MARCHF8: variants seen among roughly 807,000 people sequenced by gnomAD.
MARCHF8 encodes the protein membrane associated ring-CH-type finger 8, also known as E3 ubiquitin-protein ligase MARCHF8.
A neutral mutation model predicts 51.6 loss-of-function variants in MARCHF8; 40 were observed. The observed-to-expected ratio is 0.77, with a 90% CI of 0.60 to 1.01. The LOEUF (loss-of-function observed/expected upper bound fraction) is 1.01, where lower values mean the gene tolerates loss of function less well. MARCHF8 is among the 50% of genes least tolerant of loss of function. MARCHF8 has a pLI of 0.00. For synonymous variants in MARCHF8, 263 were observed against 280.3 expected, an observed-to-expected ratio of 0.94 and a Z score of 0.62; for missense variants, 685 against 708.6, an observed-to-expected ratio of 0.97 and a Z score of 0.38.
intron 2 of MARCHF8, among the ~76,000 whole-genome samples, chr10:45,526,769 T>C (rs948578298): frequency 1.3e-5 from 2 of 150,156 alleles, no homozygotes; most frequent in East Asian, 2.0e-4. Flanking sequence ...GTAGAACAAA[T>C]AGACCTAACA....
At chr10:45,586,167 T>C (rs1370360085) in intron 1 of MARCHF8, among the ~76,000 whole-genome samples, 1 of 152,144 alleles carries the variant, frequency 6.6e-6, no homozygotes, top group Non-Finnish European at 1.5e-5. Flanking sequence ...CCAATCAAAA[T>C]ACAGAGTAAT....
chr10:45,477,489 C>G (rs760429469), intron 3 of MARCHF8, among the ~76,000 whole-genome samples: 1 of 151,946 alleles, frequency 6.6e-6, no homozygotes, highest in Non-Finnish European at 1.5e-5. Context: ...CAATTATAAA[C>G]AATAAGAAAG....
chr10:45,579,274 G>A (rs111538089), intron 1 of MARCHF8, among the ~76,000 whole-genome samples: 3,761 of 151,798 alleles, frequency 0.025, 157 homozygotes, highest in African/African-American at 0.085. Flanking sequence ...GTGAATCTTA[G>A]TAAATTATAT....
chr10:45,588,802 T>G (rs1365150948), intron 1 of MARCHF8, among the ~76,000 whole-genome samples: 1 of 151,850 alleles, frequency 6.6e-6, no homozygotes, highest in Non-Finnish European at 1.5e-5. Context: ...ATCGAGACCA[T>G]CCTGGCTAAC....
At chr10:45,509,624 T>C (rs2043456489) in intron 2 of MARCHF8, among the ~76,000 whole-genome samples, 1 of 152,196 alleles carries the variant, frequency 6.6e-6, no homozygotes, top group Non-Finnish European at 1.5e-5. Context: ...CTTTTAAGTG[T>C]TCTGGAACTA....
At chr10:45,511,583 CT>C (rs1214162359) in intron 2 of MARCHF8, among the ~76,000 whole-genome samples, 4 of 152,198 alleles carry the variant, frequency 2.6e-5, no homozygotes. Flanking sequence ...GGTTTTCTTA[CT>C]TTTTTGGTGG....
intron 3 of MARCHF8, among the ~76,000 whole-genome samples, chr10:45,483,404 A>T (rs2042924263): frequency 6.6e-6 from 1 of 152,220 alleles, no homozygotes; most frequent in Non-Finnish European, 1.5e-5. Context: ...ATCCCTAATC[A>T]TCAGGGAATA....
At chr10:45,543,470 G>T (rs1311760657) in intron 1 of MARCHF8, among the ~76,000 whole-genome samples, 1 of 152,086 alleles carries the variant, frequency 6.6e-6, no homozygotes, top group Non-Finnish European at 1.5e-5. Context: ...CCACCGACTG[G>T]GGGAAAAATA....
At position 45,463,251 on chromosome 10, in the gene MARCHF8, G is replaced by A. The variant is rs1023484042; in HGVS notation, c.988C>T (p.Leu330Phe). 6.4e-7 allele frequency: 1 copy of A among 1,550,868 alleles called. No homozygotes were observed. Among genetic ancestry groups the A allele is most frequent in the Admixed American group, 2.0e-5 (1 of 51,006 alleles). ...TCGCTGTCCTTTTCCGTGGAGCAGAGGGGCGCCCGCAGAACCCTACTCTTC... is the reference window on the plus strand; with the variant it reads ...TCGCTGTCCTTTTCCGTGGAGCAGAAGGGCGCCCGCAGAACCCTACTCTTC... ...KLKSRVLRAP[L>F]CSTEKDSDLD... The change falls in exon 5 of 8, where the codon CTC (leucine) becomes TTC (phenylalanine). Residue 330 changes from leucine to phenylalanine, a missense_variant. Transcript: ENST00000453424.
chr10:45,464,712 C>T (rs1260160514), intron 3 of MARCHF8, among the ~76,000 whole-genome samples: 1 of 152,192 alleles, frequency 6.6e-6, no homozygotes, highest in Non-Finnish European at 1.5e-5. Flanking sequence ...TTCCCTAGCA[C>T]TCTCTCCTAG....
At chr10:45,576,966 A>G (rs2133409268) in intron 1 of MARCHF8, among the ~76,000 whole-genome samples, 1 of 115,254 alleles carries the variant, frequency 8.7e-6, no homozygotes, top group East Asian at 2.2e-4. Context: ...CTAAACAAAA[A>G]GAGAAAAGAA....
intron 2 of MARCHF8, among the ~76,000 whole-genome samples, chr10:45,510,474 T>A (rs1262039922): frequency 6.6e-6 from 1 of 152,140 alleles, no homozygotes; most frequent in East Asian, 1.9e-4. Flanking sequence ...GAAATAAAAT[T>A]TAGTACATAT....
chr10:45,561,194 A>G (rs1471045725), intron 1 of MARCHF8, among the ~76,000 whole-genome samples: 1 of 152,190 alleles, frequency 6.6e-6, no homozygotes, highest in Non-Finnish European at 1.5e-5. Flanking sequence ...AGAGAAGTAA[A>G]TATGAGTGAG....
rs1353839969 is a variant in MARCHF8 at position 45,478,326 on chromosome 10, C to T, written c.153+11041G>A. On this transcript the variant is annotated intron_variant, in intron 3 of 7. Transcript: ENST00000453424. ...GTGAAGGAAGAAATTAAGGAGAAAA[C>T]ATAAAAATGCCTTAAATAAAAATCG... 2.6e-5 allele frequency among the ~76,000 whole-genome samples: 4 copies of T among 152,108 alleles called. No individual in the cohort carries two copies. In the South Asian group the frequency reaches 8.3e-4, roughly 32 times the overall value.
intron 1 of MARCHF8, among the ~76,000 whole-genome samples, chr10:45,584,126 C>CATATATATATATATAT (rs55978063): frequency 8.2e-5 from 7 of 85,358 alleles, no homozygotes; most frequent in Admixed American, 1.2e-4. Context: ...TATATACAAT[C>CATATATATATATATAT]ATATATATAT....
At chr10:45,551,842 C>A (rs1269818557) in intron 1 of MARCHF8, among the ~76,000 whole-genome samples, 2 of 146,538 alleles carry the variant, frequency 1.4e-5, no homozygotes, top group African/African-American at 5.0e-5. Context: ...TATATCTGTA[C>A]ACACACACAC....
At chr10:45,468,401 C>T (rs1843041900) in intron 3 of MARCHF8, among the ~76,000 whole-genome samples, 1 of 152,204 alleles carries the variant, frequency 6.6e-6, no homozygotes, top group Non-Finnish European at 1.5e-5. Flanking sequence ...CAGGTTACTG[C>T]CCAGCCTCCT....
rs144856900 is a variant in MARCHF8 at position 45,479,074 on chromosome 10, T to C, written c.153+10293A>G. On this transcript the variant is annotated intron_variant, in intron 3 of 7. Coordinates refer to ENST00000453424, the MANE Select transcript of MARCHF8 (RefSeq NM_001282866.2). The stretch of plus-strand genomic sequence containing the variant: ...TAAAACTACAGGCCAATATCCCTGA[T>C]AGGCATAGATGCAAAAAATCCTTAA... 4.7e-3 allele frequency among the ~76,000 whole-genome samples: 721 copies of C among 152,324 alleles called. 1 individual carries two copies. The highest frequency in any genetic ancestry group is 7.2e-3 in the South Asian group (35 of 4,832).
rs776646359 is a variant in MARCHF8, at chr10:45,463,663, G to C, written c.576C>G (p.Leu192=). 3.6e-5 allele frequency: 56 copies of C among 1,550,744 alleles called. No individual in the cohort carries two copies. The highest frequency in any genetic ancestry group is 3.3e-4 in the Middle Eastern group (2 of 5,992). The change falls in exon 5 of 8, where the codon CTC becomes CTG. Residue 192 remains leucine (L), a synonymous_variant. Coordinates refer to ENST00000453424, the MANE Select transcript of MARCHF8 (RefSeq NM_001282866.2). ...GKLILPQDTC[L]RTNRFHHKEK... ...CTTTATGATGAAACCTGTTAGTTCT[G>C]AGACACGTATCTTGAGGGAGTATTA...
Sources: allele counts gnomAD v4.1 joint callset (sites outside exome capture counted in the v4.1 genomes callset), GRCh38; gene constraint gnomAD v4.1.1; transcripts MANE v1.5; gene names NCBI Gene and HGNC (gene_info 2026-07-23, HGNC 2026-07-21).